Variants in SPRY3 observed in about 807,000 individuals in gnomAD.
SPRY3 encodes protein sprouty homolog 3.
Under a neutral mutation model 20.2 loss-of-function variants are expected in SPRY3, and 15 were observed. That is an observed-to-expected ratio of 0.74 (90% CI 0.50 to 1.14). The LOEUF (loss-of-function observed/expected upper bound fraction) is 1.14, where lower values mean the gene tolerates loss of function less well. SPRY3 is among the 50% of genes most tolerant of loss of function. The probability of loss-of-function intolerance (pLI) is 0.00; values close to 1 mark genes in which losing one functional copy is unlikely to be tolerated. For synonymous variants in SPRY3, 143 were observed against 136.5 expected (o/e 1.05, Z -0.33); for missense variants, 364 against 363.9 (o/e 1.00, Z 0.00).
chrX:155,768,194 A>G (rs1017501137), intron 3 of SPRY3, 58 bp downstream of exon 2: 1 of 151,764 alleles, frequency 6.6e-6, no homozygotes, highest in African/African-American at 2.4e-5. Flanking sequence ...CAATGCACAG[A>G]TTGCCATTCA....
chrX:155,758,508 T>C (rs2091291846), intron 2 of SPRY3, among the ~76,000 whole-genome samples: 1 of 152,210 alleles, frequency 6.6e-6, no homozygotes, highest in African/African-American at 2.4e-5. Context: ...TGGCATTGCT[T>C]ACAATGCTGG....
intron 1 of SPRY3, among the ~76,000 whole-genome samples, chrX:155,638,327 T>TATATATAC (rs2067930637): frequency 6.2e-4 from 1 of 1,604 alleles, no homozygotes; most frequent in African/African-American, 9.6e-4. Context: ...TATATATATA[T>TATATATAC]ATATATATAT....
chrX:155,768,391 A>G (rs990312662), intron 3 of SPRY3, among the ~76,000 whole-genome samples: 29 of 152,196 alleles, frequency 1.9e-4, no homozygotes, highest in Admixed American at 1.6e-3. Flanking sequence ...ATATTTTTCT[A>G]GGCGAATGTC....
At chrX:155,720,412 G>T (rs2091049607) in intron 2 of SPRY3, among the ~76,000 whole-genome samples, 1 of 152,150 alleles carries the variant, frequency 6.6e-6, no homozygotes, top group Admixed American at 6.5e-5. Flanking sequence ...GTCTGGTTTT[G>T]CCACCTGCTG....
At chrX:155,708,261 C>T (rs1473832171) in intron 2 of SPRY3, among the ~76,000 whole-genome samples, 1 of 151,250 alleles carries the variant, frequency 6.6e-6, no homozygotes, top group Non-Finnish European at 1.5e-5. Context: ...ATTTTGCCTT[C>T]ACTTTTGAAA....
At chrX:155,780,606 AG>A (rs1352282161), downstream of SPRY3, 3 of 167,074 alleles carry the variant, frequency 1.8e-5, no homozygotes, top group East Asian at 5.8e-4. Flanking sequence ...TCAGCTTTAT[AG>A]TCTTGGATAG....
chrX:155,762,552 G>A (rs1407656712), intron 2 of SPRY3, among the ~76,000 whole-genome samples: 6 of 152,108 alleles, frequency 3.9e-5, no homozygotes, highest in Admixed American at 2.0e-4. Flanking sequence ...AGATGCTAAA[G>A]CTTCAAACTT....
chrX:155,774,415 C>G (rs1316333774), exon 4 of SPRY3: 11 of 1,614,014 alleles, frequency 6.8e-6, no homozygotes, highest in Non-Finnish European at 8.5e-6. Context: ...TGAGAGCCTC[C>G]TCGATTATGG....
chrX:155,775,294 A>G (rs1263460203), exon 4 of SPRY3: 2 of 167,608 alleles, frequency 1.2e-5, no homozygotes, highest in East Asian at 1.9e-4. Context: ...GTCTGCTTTT[A>G]CTTTTTCTCT....
chrX:155,641,963 T>C (rs1466711237), intron 1 of SPRY3, among the ~76,000 whole-genome samples: 2 of 114,061 alleles, frequency 1.8e-5, no homozygotes, highest in African/African-American at 3.2e-5. Context: ...GTTAGGAATA[T>C]TTTAAGCATA....
chrX:155,756,298 A>AT (rs1380089956), intron 2 of SPRY3, among the ~76,000 whole-genome samples: 18 of 152,074 alleles, frequency 1.2e-4, no homozygotes, highest in African/African-American at 3.6e-4. Context: ...TGAGAAAATA[A>AT]TTTATACAGC....
intron 2 of SPRY3, chrX:155,669,921 C>T (rs2068035210): frequency 9.0e-6 from 1 of 111,069 alleles, no homozygotes; most frequent in Non-Finnish European, 1.9e-5. Context: ...GTGAAATAGG[C>T]ATTCCTTTGA....
At chrX:155,743,281 A>G (rs1357436824) in intron 2 of SPRY3, among the ~76,000 whole-genome samples, 3 of 152,062 alleles carry the variant, frequency 2.0e-5, no homozygotes, top group South Asian at 2.1e-4. Flanking sequence ...AAGCCTAACC[A>G]GTGTGTCAGA....
At chrX:155,686,957 G>A (rs1603135748) in intron 2 of SPRY3, among the ~76,000 whole-genome samples, 1 of 112,766 alleles carries the variant, frequency 8.9e-6, no homozygotes, top group East Asian at 2.8e-4. Context: ...TGCTCCTTGA[G>A]CCAGGCTTCT....
intron 2 of SPRY3, among the ~76,000 whole-genome samples, chrX:155,657,461 G>A (rs182952432): frequency 4.5e-5 from 5 of 112,086 alleles, no homozygotes; most frequent in Non-Finnish European, 7.5e-5. Context: ...GATGCCCCCC[G>A]CTACCAAGCT....
chrX:155,628,122 G>A (rs201166082), intron 1 of SPRY3, among the ~76,000 whole-genome samples: 11 of 111,903 alleles, frequency 9.8e-5, no homozygotes, highest in Non-Finnish European at 1.5e-4. Context: ...GAACATACAC[G>A]TACACGTATC....
At position 155,639,833 on chromosome X, in the gene SPRY3, G is replaced by A. The variant is rs782040891; in HGVS notation, c.-440-17034G>A. ...GCATAATTTCATTTTCCCACTAACAGTATACAAGGGTTCCAGTTACTTCAT... is the reference window on the plus strand; with the variant it reads ...GCATAATTTCATTTTCCCACTAACAATATACAAGGGTTCCAGTTACTTCAT... On this transcript the variant is annotated intron_variant, in intron 1 of 3. Coordinates refer to ENST00000675360, the Ensembl canonical transcript of SPRY3. Among the ~76,000 whole-genome samples, 3 of 112,121 alleles carry A rather than the reference G, an allele frequency of 2.7e-5. No homozygotes were observed. In the South Asian group the frequency reaches 1.1e-3, roughly 41 times the overall value.
chrX:155,634,810 C>G, intron 1 of SPRY3, among the ~76,000 whole-genome samples: 1 of 107,777 alleles, frequency 9.3e-6, no homozygotes, highest in East Asian at 2.9e-4. Flanking sequence ...CTCTTGAGGT[C>G]GCAAGATAAC....
At chrX:155,659,876 C>T (rs1489769916) in intron 2 of SPRY3, among the ~76,000 whole-genome samples, 1 of 112,020 alleles carries the variant, frequency 8.9e-6, no homozygotes, top group Non-Finnish European at 1.9e-5. Flanking sequence ...TGTAATGTCA[C>T]TTTTATCATT....
Sources: allele counts gnomAD v4.1 joint callset (sites outside exome capture counted in the v4.1 genomes callset), GRCh38; gene constraint gnomAD v4.1.1; transcripts MANE v1.5; gene names NCBI Gene and HGNC (gene_info 2026-07-23, HGNC 2026-07-21).